Variants in PHACTR3 observed in about 807,000 individuals in gnomAD.
The protein encoded by PHACTR3 is protein phosphatase 1, regulatory subunit 123.
Under a neutral mutation model 66.8 loss-of-function variants are expected in PHACTR3, and 16 were observed. The ratio of observed to expected loss-of-function variants is 0.24; its 90% confidence interval spans 0.16 to 0.36. The LOEUF is 0.36. Ranked by LOEUF, PHACTR3 falls within the 10% of genes least tolerant of loss-of-function variation. The pLI, the probability that PHACTR3 is intolerant of heterozygous loss-of-function variation, is 1.00. For missense variants in PHACTR3, 647 were observed against 719.9 expected (o/e 0.90, Z 1.16); for synonymous variants, 323 against 292.1 (o/e 1.11, Z -1.08).
intron 1 of PHACTR3, among the ~76,000 whole-genome samples, chr20:59,675,410 CA>C (rs1440376530): frequency 1.3e-5 from 2 of 152,092 alleles, no homozygotes; most frequent in Admixed American, 1.3e-4. Context: ...CCATCCCCTG[CA>C]GGAAGGATCT....
intron 1 of PHACTR3, among the ~76,000 whole-genome samples, chr20:59,620,968 A>G (rs1400126764): frequency 1.3e-5 from 2 of 152,156 alleles, no homozygotes; most frequent in East Asian, 1.9e-4. Context: ...ATGTATGTTT[A>G]TCCTGTGGAG....
intron 5 of PHACTR3, among the ~76,000 whole-genome samples, 194 bp from the exon 6 acceptor site, chr20:59,773,085 C>T (rs2040409557): frequency 6.6e-6 from 1 of 152,180 alleles, no homozygotes; most frequent in South Asian, 2.1e-4. Context: ...ACAGATGGAG[C>T]AGAACTGGAC....
At chr20:59,610,226 A>G (rs1281895367) in intron 1 of PHACTR3, among the ~76,000 whole-genome samples, 1 of 152,232 alleles carries the variant, frequency 6.6e-6, no homozygotes, top group Non-Finnish European at 1.5e-5. Flanking sequence ...CTGCACTCCA[A>G]CCTGCGTGAC....
intron 1 of PHACTR3, among the ~76,000 whole-genome samples, chr20:59,595,492 G>A (rs2033302265): frequency 6.6e-6 from 1 of 152,218 alleles, no homozygotes; most frequent in Admixed American, 6.5e-5. Context: ...TGTGAATTTT[G>A]TGTCCCAGAA....
In PHACTR3 at chr20:59,841,409, C is replaced by T. The variant is rs778886434; in HGVS notation, c.1461C>T (p.Pro487=). Residue 487 remains proline, a synonymous_variant, in exon 11 of 13, where the codon CCC becomes CCT. Transcript: ENST00000371015. The part of the protein sequence containing the change: ...QRLTRKLNQR[P]TVDELRDRKI... ...TTTAATTTTAGCTTAATCAGAGACC[C>T]ACTGTTGATGAATTAAGAGACAGAA... 6.2e-7 allele frequency: 1 copy of T among 1,611,928 alleles called. No individual in the cohort carries two copies. The highest frequency in any genetic ancestry group is 1.1e-5 in the South Asian group (1 of 90,636).
rs1396955761 is a variant in PHACTR3, at chr20:59,673,585, C to A, written c.118+68453C>A. On this transcript the variant is annotated intron_variant, in intron 1 of 12. Transcript: ENST00000371015. ...CTGGCCTGGCAGCACCTGGGGCTCC[C>A]AAACACAAGGGAAGACAGGCAGCTG... Among the ~76,000 whole-genome samples the A allele has an allele frequency of 2.0e-5, 3 of 152,268 alleles. No individual in the cohort carries two copies. The South Asian group carries it at 6.2e-4, about 32-fold the overall frequency.
chr20:59,781,910 G>A (rs145632630), intron 7 of PHACTR3, among the ~76,000 whole-genome samples: 118 of 152,252 alleles, frequency 7.8e-4, no homozygotes, highest in African/African-American at 2.7e-3. Context: ...TCAGCTAGGC[G>A]GTACAAGAGT....
intron 1 of PHACTR3, among the ~76,000 whole-genome samples, chr20:59,741,773 C>A (rs1033042474): frequency 7.8e-6 from 1 of 128,612 alleles, no homozygotes; most frequent in Admixed American, 7.7e-5. Context: ...TTTTTTTCTT[C>A]TTTTTTTGAG....
In PHACTR3 at chr20:59,822,021, ATCCCACCCCTTCCCCAGCG is replaced by A. The variant is rs1480890155; in HGVS notation, c.1329-14483_1329-14465del. Among the ~76,000 whole-genome samples the A allele has an allele frequency of 1.4e-4, 12 of 88,878 alleles. 3 individuals carry two copies. The East Asian group carries it at 2.5e-3, about 19-fold the overall frequency. The allele number at this position is 88,878 out of a possible 152,430, so 58.3% of individuals were successfully genotyped here. ...CAGCAATCCCACCCCTTCCCCAGCG[ATCCCACCCCTTCCCCAGCG>A]ATCCCACCCCTTCCCCAGCGATCCG... On this transcript the variant is annotated intron_variant, in intron 8 of 12. Transcript: ENST00000371015.
In PHACTR3 at chr20:59,736,312, C is replaced by A. The variant is rs2038942035; in HGVS notation, c.119-6795C>A. Among the ~76,000 whole-genome samples the A allele has an allele frequency of 6.7e-6, 1 of 150,356 alleles. No individual in the cohort carries two copies. The highest frequency in any genetic ancestry group is 1.5e-5 in the Non-Finnish European group (1 of 68,018). On this transcript the variant is annotated intron_variant, in intron 1 of 12. Coordinates refer to ENST00000371015, the MANE Select transcript of PHACTR3 (RefSeq NM_080672.5). The surrounding 1 kb of genome is among the most constrained non-coding windows in gnomAD (Gnocchi z 4.6). ...GGGGGTGGCTGCTAATGTGTTTGCACCTTCCAGAGTCTCTCCAGTGTGAGA... is the reference window on the plus strand; with the variant it reads ...GGGGGTGGCTGCTAATGTGTTTGCAACTTCCAGAGTCTCTCCAGTGTGAGA...
intron 1 of PHACTR3, among the ~76,000 whole-genome samples, chr20:59,630,649 G>A (rs950052538): frequency 4.9e-4 from 74 of 152,216 alleles, no homozygotes; most frequent in Non-Finnish European, 3.7e-4. Context: ...GAGACACCGG[G>A]TGGTGCAGTT....
chr20:59,587,564 G>T (rs551776133), intron 1 of PHACTR3, among the ~76,000 whole-genome samples: 1 of 152,350 alleles, frequency 6.6e-6, no homozygotes, highest in South Asian at 2.1e-4. Context: ...CAGCCTGTGG[G>T]TCAGGGGTGC....
intron 8 of PHACTR3, among the ~76,000 whole-genome samples, chr20:59,817,392 G>C (rs1271163497): frequency 6.6e-6 from 1 of 152,202 alleles, no homozygotes; most frequent in Non-Finnish European, 1.5e-5. Context: ...TACTCCAGAA[G>C]CCTCCACTTC....
chr20:59,670,476 G>A (rs2146503779), intron 1 of PHACTR3, among the ~76,000 whole-genome samples: 1 of 152,246 alleles, frequency 6.6e-6, no homozygotes, highest in Non-Finnish European at 1.5e-5. Flanking sequence ...CCCTGGACAA[G>A]CTCATGTGAA....
intron 1 of PHACTR3, among the ~76,000 whole-genome samples, chr20:59,742,477 C>CAT (rs56083752): frequency 0.27 from 40,345 of 150,180 alleles, 8,094 homozygotes; most frequent in East Asian, 0.54. Context: ...TGCTCACAGA[C>CAT]GTGCTCACTC....
At chr20:59,825,368 C>T (rs2145439225) in intron 8 of PHACTR3, among the ~76,000 whole-genome samples, 1 of 152,308 alleles carries the variant, frequency 6.6e-6, no homozygotes, top group South Asian at 2.1e-4. Flanking sequence ...ATTCATGTAT[C>T]CACTCATGCA....
chr20:59,830,213 A>G lies in PHACTR3; in HGVS notation c.1329-6292A>G, dbSNP rs73917310. Among the ~76,000 whole-genome samples, 306 of 143,402 alleles carry G rather than the reference A, an allele frequency of 2.1e-3. No individual in the cohort carries two copies. Among genetic ancestry groups the G allele is most frequent in the African/African-American group, 5.9e-3 (206 of 34,708 alleles). 94.1% of individuals were successfully genotyped at this position (143,402 alleles called of 152,430 possible). A position where few individuals can be genotyped will look rare whatever the true frequency, so the allele number is the denominator to read the frequency against. ...ATGGAAGAGGGTATGAGTGTCTGAT[A>G]GAAGAGGGCGTGAGTGTCTGATGGA... On this transcript the variant is annotated intron_variant, in intron 8 of 12. Coordinates refer to ENST00000371015, the MANE Select transcript of PHACTR3 (RefSeq NM_080672.5). The surrounding 1 kb of genome is among the most constrained non-coding windows in gnomAD (Gnocchi z 5.8).
intron 1 of PHACTR3, among the ~76,000 whole-genome samples, chr20:59,608,373 T>A (rs752938289): frequency 7.2e-5 from 11 of 152,234 alleles, no homozygotes; most frequent in Non-Finnish European, 1.6e-4. Context: ...ATCCGCACTC[T>A]ACACCCGTGA....
intron 1 of PHACTR3, among the ~76,000 whole-genome samples, chr20:59,661,317 A>G (rs2035796594): frequency 6.6e-6 from 1 of 152,180 alleles, no homozygotes; most frequent in Non-Finnish European, 1.5e-5. Flanking sequence ...AGGAGAGAGC[A>G]GGATGTATGG....
Sources: gnomAD v4.1 joint callset for allele counts (sites outside exome capture counted in the v4.1 genomes callset) on GRCh38, gnomAD v4.1.1 for gene constraint, Gnocchi (gnomAD v3.1) non-coding constraint, MANE v1.5 for transcripts, NCBI Gene and HGNC (gene_info 2026-07-23, HGNC 2026-07-21) for gene names.